The following DDR2 variants were observed in gnomAD, a reference collection of about 807,000 sequenced individuals.
The protein encoded by DDR2 is discoidin domain-containing receptor 2.
A neutral mutation model predicts 94.9 loss-of-function variants in DDR2; 27 were observed. The ratio of observed to expected loss-of-function variants is 0.28; its 90% confidence interval spans 0.21 to 0.39. The LOEUF is 0.39. Ranked by LOEUF, DDR2 falls within the 10% of genes least tolerant of loss-of-function variation. DDR2 has a pLI of 1.00. For missense variants in DDR2, 783 were observed against 1,076.0 expected, an observed-to-expected ratio of 0.73 and a Z score of 3.81; for synonymous variants, 382 against 377.2, an observed-to-expected ratio of 1.01 and a Z score of -0.15.
intron 9 of DDR2, 143 bp from the exon 10 acceptor site, chr1:162,765,853 TCAACG>T: frequency 1.3e-6 from 1 of 769,830 alleles, no homozygotes; most frequent in Non-Finnish European, 2.2e-6. Flanking sequence ...GATTTTTTAT[TCAACG>T]TATTTATGAT....
At chr1:162,742,546 A>G (rs115309715) in intron 3 of DDR2, among the ~76,000 whole-genome samples, 3,000 of 152,346 alleles carry the variant, frequency 0.02, 90 homozygotes, top group African/African-American at 0.068. Context: ...CTTATCACCA[A>G]GGGCATGGCC....
At chr1:162,692,652 T>C (rs986056256) in intron 2 of DDR2, among the ~76,000 whole-genome samples, 1 of 152,230 alleles carries the variant, frequency 6.6e-6, no homozygotes, top group African/African-American at 2.4e-5. Context: ...CAAGCATTGT[T>C]GAAGACTTGA....
At chr1:162,658,537 A>C (rs1005912778) in intron 2 of DDR2, among the ~76,000 whole-genome samples, 2 of 151,746 alleles carry the variant, frequency 1.3e-5, no homozygotes, top group African/African-American at 2.4e-5. Context: ...AACTGAGGAG[A>C]GAAGCTCTTC....
chr1:162,732,593 C>A (rs997128649), intron 3 of DDR2, among the ~76,000 whole-genome samples: 1 of 152,216 alleles, frequency 6.6e-6, no homozygotes, highest in African/African-American at 2.4e-5. Context: ...TGCTTCTGGG[C>A]TCCAACGTTT....
At chr1:162,736,900 G>A (rs1409007609) in intron 3 of DDR2, among the ~76,000 whole-genome samples, 1 of 152,238 alleles carries the variant, frequency 6.6e-6, no homozygotes, top group Non-Finnish European at 1.5e-5. Context: ...GGAGGCCAGT[G>A]TGGCTGATGG....
Position 162,717,771 on chromosome 1 carries a change from C to G in DDR2, c.-27-1266C>G, listed in dbSNP as rs76546222. The stretch of plus-strand genomic sequence containing the variant: ...AGGTAAAGTGTCATTTTCATCACAT[C>G]ATATCAAGAACACATACTATCAATA... On this transcript the variant is annotated intron_variant, in intron 2 of 17. Coordinates refer to ENST00000367921, the MANE Select transcript of DDR2 (RefSeq NM_006182.4). Among the ~76,000 whole-genome samples the G allele has an allele frequency of 8.1e-3, 1,231 of 152,302 alleles. 9 individuals are homozygous for G. The highest frequency in any genetic ancestry group is 0.028 in the African/African-American group (1,180 of 41,570).
intron 15 of DDR2, 70 bp downstream of exon 15, chr1:162,775,913 C>T (rs2102197314): frequency 6.3e-7 from 1 of 1,584,882 alleles, no homozygotes. Context: ...AAATAGGGAG[C>T]AGTGAGCCTT....
chr1:162,697,101 A>T (rs1660229494), intron 2 of DDR2, among the ~76,000 whole-genome samples: 1 of 152,114 alleles, frequency 6.6e-6, no homozygotes, highest in Non-Finnish European at 1.5e-5. Flanking sequence ...CTTACTGGGG[A>T]GAGCTCAGTA....
intron 2 of DDR2, among the ~76,000 whole-genome samples, chr1:162,694,479 C>T (rs1042478616): frequency 1.3e-5 from 2 of 152,150 alleles, no homozygotes; most frequent in African/African-American, 4.8e-5. Context: ...TCCCTTAGAT[C>T]TCAGCTTAGA....
chr1:162,694,529 T>G (rs1050074176), intron 2 of DDR2, among the ~76,000 whole-genome samples: 6 of 152,176 alleles, frequency 3.9e-5, no homozygotes, highest in African/African-American at 1.2e-4. Context: ...CCCTTAAACC[T>G]TGGCCAAGTC....
intron 1 of DDR2, among the ~76,000 whole-genome samples, chr1:162,654,176 A>C (rs1307511547): frequency 6.6e-6 from 1 of 152,126 alleles, no homozygotes; most frequent in Non-Finnish European, 1.5e-5. Flanking sequence ...GGTGGCTCAC[A>C]TCTATAATCC....
rs546298169 is a variant in DDR2, at chr1:162,746,606, C to T, written c.83-6489C>T. ...AGACTTAAACGTCCCTGTCTGACAG[C>T]TTTGAAGAGAGTGGTGGTTCTCCCA... On this transcript the variant is annotated intron_variant, in intron 3 of 17. Coordinates refer to ENST00000367921, the MANE Select transcript of DDR2 (RefSeq NM_006182.4). 2.0e-5 allele frequency among the ~76,000 whole-genome samples: 3 copies of T among 152,324 alleles called. No homozygotes were observed. In the East Asian group the frequency reaches 5.8e-4, roughly 29 times the overall value.
intron 3 of DDR2, among the ~76,000 whole-genome samples, chr1:162,732,669 C>G (rs1662114462): frequency 6.6e-6 from 1 of 152,252 alleles, no homozygotes; most frequent in African/African-American, 2.4e-5. Flanking sequence ...TAATGCCCCT[C>G]AGTCAGTCTT....
chr1:162,694,516 T>C (rs1308181318), intron 2 of DDR2, among the ~76,000 whole-genome samples: 3 of 152,218 alleles, frequency 2.0e-5, no homozygotes, highest in African/African-American at 7.2e-5. Flanking sequence ...AAGCTGTTCC[T>C]GTCCCTTAAA....
chr1:162,719,019 A>G lies in DDR2; in HGVS notation c.-27-18A>G, dbSNP rs77271520. On this transcript the variant is annotated intron_variant, in intron 2 of 17. Transcript: ENST00000367921. Reference sequence around the variant, plus strand: ...TCTCCTTCTCTTTCTGTTTTCTTGCATTATTGGTTGGTGGCAGACTCCAGT... The same window carrying G: ...TCTCCTTCTCTTTCTGTTTTCTTGCGTTATTGGTTGGTGGCAGACTCCAGT... 1.4e-3 allele frequency: 2,259 copies of G among 1,612,114 alleles called. 20 individuals are homozygous for G. In the African/African-American group the frequency reaches 0.027, roughly 19 times the overall value.
At chr1:162,771,480 A>G (rs1016818665) in intron 12 of DDR2, among the ~76,000 whole-genome samples, 5 of 152,230 alleles carry the variant, frequency 3.3e-5, no homozygotes, top group Non-Finnish European at 4.4e-5. Flanking sequence ...TTTCACAGAG[A>G]CAGCAAGAAT....
chr1:162,634,358 A>G (rs897392597), intron 1 of DDR2, among the ~76,000 whole-genome samples: 6 of 152,234 alleles, frequency 3.9e-5, no homozygotes, highest in African/African-American at 1.4e-4. Flanking sequence ...TATTTATTAT[A>G]TGGGAACAAT....
At chr1:162,666,690 T>G (rs1206500741) in intron 2 of DDR2, among the ~76,000 whole-genome samples, 1 of 152,140 alleles carries the variant, frequency 6.6e-6, no homozygotes, top group Non-Finnish European at 1.5e-5. Flanking sequence ...GCACTTTATT[T>G]TTTCTGCATT....
At chr1:162,681,557 A>G (rs1659400539) in intron 2 of DDR2, among the ~76,000 whole-genome samples, 1 of 152,192 alleles carries the variant, frequency 6.6e-6, no homozygotes, top group African/African-American at 2.4e-5. Flanking sequence ...TTTATTTTTC[A>G]CAATTCTGGA....
Sources: allele counts gnomAD v4.1 joint callset (sites outside exome capture counted in the v4.1 genomes callset), GRCh38; gene constraint gnomAD v4.1.1; transcripts MANE v1.5; gene names NCBI Gene and HGNC (gene_info 2026-07-23, HGNC 2026-07-21).